Variants in UBE2E2 observed in about 807,000 individuals in gnomAD.
The protein encoded by UBE2E2 is ubiquitin conjugating enzyme E2 E2.
Under a neutral mutation model 24.7 loss-of-function variants are expected in UBE2E2, and 6 were observed. The observed-to-expected ratio is 0.24, with a 90% CI of 0.13 to 0.48. The LOEUF is 0.48. UBE2E2 is among the 20% of genes least tolerant of loss of function. The pLI is 0.99. For synonymous variants in UBE2E2, 104 were observed against 83.6 expected (o/e 1.24, Z -1.33); for missense variants, 169 against 245.0 (o/e 0.69, Z 2.07).
intron 3 of UBE2E2, among the ~76,000 whole-genome samples, chr3:23,491,970 G>A (rs1699506521): frequency 6.6e-6 from 1 of 152,194 alleles, no homozygotes; most frequent in African/African-American, 2.4e-5. Flanking sequence ...GCATGGTCAA[G>A]GATGACTCTC....
At chr3:23,579,385 A>G (rs1019606161) in intron 5 of UBE2E2, among the ~76,000 whole-genome samples, 15 of 89,738 alleles carry the variant, frequency 1.7e-4, no homozygotes, top group African/African-American at 1.2e-3. Context: ...ACTCCATCTC[A>G]AAAAAAAAAA....
intron 3 of UBE2E2, among the ~76,000 whole-genome samples, chr3:23,466,760 G>C (rs1387043603): frequency 4.6e-5 from 7 of 151,814 alleles, no homozygotes; most frequent in Non-Finnish European, 1.0e-4. Context: ...GTAGAGACAG[G>C]GTTTCACCAT....
At chr3:23,371,301 G>C (rs141623976) in intron 3 of UBE2E2, among the ~76,000 whole-genome samples, 244 of 152,244 alleles carry the variant, frequency 1.6e-3, no homozygotes, top group African/African-American at 4.6e-3. Flanking sequence ...AAAATGCTGA[G>C]ATTACAGGTG....
intron 3 of UBE2E2, among the ~76,000 whole-genome samples, chr3:23,441,624 A>G (rs1297176209): frequency 1.3e-5 from 2 of 151,390 alleles, no homozygotes; most frequent in African/African-American, 4.8e-5. Context: ...TTGTTAGAGG[A>G]GCTCACTGAC....
At chr3:23,230,236 T>G (rs1327129084) in intron 3 of UBE2E2, among the ~76,000 whole-genome samples, 1 of 152,206 alleles carries the variant, frequency 6.6e-6, no homozygotes, top group Non-Finnish European at 1.5e-5. Context: ...AAATGATTGT[T>G]TTTAATACAG....
At chr3:23,371,814 T>C (rs1483089262) in intron 3 of UBE2E2, among the ~76,000 whole-genome samples, 1 of 152,116 alleles carries the variant, frequency 6.6e-6, no homozygotes, top group Non-Finnish European at 1.5e-5. Context: ...CATGGGTGTA[T>C]TTCTGTCTTA....
At chr3:23,528,836 G>A (rs545890089) in intron 4 of UBE2E2, among the ~76,000 whole-genome samples, 1 of 152,190 alleles carries the variant, frequency 6.6e-6, no homozygotes, top group South Asian at 2.1e-4. Context: ...TATCTAGCAC[G>A]CCTGTTTGGG....
At chr3:23,266,365 T>G (rs1415953317) in intron 3 of UBE2E2, among the ~76,000 whole-genome samples, 1 of 152,194 alleles carries the variant, frequency 6.6e-6, no homozygotes, top group Non-Finnish European at 1.5e-5. Context: ...CTCTCAGCAT[T>G]TGCTTGTCTG....
intron 3 of UBE2E2, among the ~76,000 whole-genome samples, chr3:23,410,706 T>C (rs1355297681): frequency 6.6e-6 from 1 of 151,968 alleles, no homozygotes; most frequent in Non-Finnish European, 1.5e-5. Flanking sequence ...GTGTACAAAG[T>C]GGAGATATAT....
At chr3:23,239,431 C>G (rs984795533) in intron 3 of UBE2E2, among the ~76,000 whole-genome samples, 8 of 152,108 alleles carry the variant, frequency 5.3e-5, no homozygotes, top group African/African-American at 1.9e-4. Context: ...TTAGCATTCT[C>G]CATTCCCCCC....
At chr3:23,554,792 G>T (rs971913715) in intron 5 of UBE2E2, among the ~76,000 whole-genome samples, 2 of 152,028 alleles carry the variant, frequency 1.3e-5, no homozygotes, top group Non-Finnish European at 2.9e-5. Context: ...GACAACTACA[G>T]ACTGGGAAAA....
chr3:23,238,632 T>C (rs1300937904), intron 3 of UBE2E2, among the ~76,000 whole-genome samples: 3 of 152,202 alleles, frequency 2.0e-5, no homozygotes, highest in Non-Finnish European at 4.4e-5. Context: ...AAAAGCCTTT[T>C]GGATTTCAGA....
chr3:23,392,793 A>T (rs1022693795), intron 3 of UBE2E2, among the ~76,000 whole-genome samples: 1 of 152,208 alleles, frequency 6.6e-6, no homozygotes. Flanking sequence ...AGAAGGGTCA[A>T]GAATGACTTT....
intron 4 of UBE2E2, among the ~76,000 whole-genome samples, chr3:23,526,999 A>G (rs1695014507): frequency 1.3e-5 from 2 of 152,234 alleles, no homozygotes; most frequent in South Asian, 4.1e-4. Context: ...AATTTTTAAT[A>G]AAAACTGAGC....
chr3:23,225,379 G>A (rs1336043781), intron 3 of UBE2E2, among the ~76,000 whole-genome samples: 1 of 151,974 alleles, frequency 6.6e-6, no homozygotes, highest in Non-Finnish European at 1.5e-5. Context: ...CCTAATCCAA[G>A]ACCACGAAGA....
chr3:23,244,864 A>C (rs1181600123), intron 3 of UBE2E2, among the ~76,000 whole-genome samples: 2 of 152,160 alleles, frequency 1.3e-5, no homozygotes, highest in Non-Finnish European at 2.9e-5. Flanking sequence ...TCCAAGGTAC[A>C]AATTGTATTA....
intron 3 of UBE2E2, among the ~76,000 whole-genome samples, chr3:23,232,292 A>G (rs565501515): frequency 6.6e-6 from 1 of 152,338 alleles, no homozygotes; most frequent in South Asian, 2.1e-4. Context: ...GGGTTGAAGA[A>G]CAAATACTAT....
At chr3:23,512,806 G>A (rs779821010) in intron 4 of UBE2E2, among the ~76,000 whole-genome samples, 2 of 152,058 alleles carry the variant, frequency 1.3e-5, no homozygotes, top group Non-Finnish European at 1.5e-5. Context: ...TTAGCCAGGC[G>A]TGGTGGCGCA....
At chr3:23,419,625 G>C (rs1347369667) in intron 3 of UBE2E2, among the ~76,000 whole-genome samples, 1 of 152,154 alleles carries the variant, frequency 6.6e-6, no homozygotes, top group African/African-American at 2.4e-5. Flanking sequence ...CCACTTGCCT[G>C]CCGTGCATAG....
Sources: gnomAD v4.1 joint callset for allele counts (sites outside exome capture counted in the v4.1 genomes callset) on GRCh38, gnomAD v4.1.1 for gene constraint, MANE v1.5 for transcripts, NCBI Gene and HGNC (gene_info 2026-07-23, HGNC 2026-07-21) for gene names.